The following EHBP1 variants were observed in gnomAD, a reference collection of about 807,000 sequenced individuals.
The protein encoded by EHBP1 is EH domain-binding protein 1.
In EHBP1, 55 loss-of-function variants were observed where a neutral mutation model predicts 144.0. The ratio of observed to expected loss-of-function variants is 0.38; its 90% CI spans 0.31 to 0.48. EHBP1 has a LOEUF of 0.48. Among genes scored for constraint, EHBP1 ranks in the 20% least tolerant of loss-of-function variants. The probability of loss-of-function intolerance (pLI) is 0.98; values close to 1 mark genes in which losing one functional copy is unlikely to be tolerated. For synonymous variants in EHBP1, 469 were observed against 472.7 expected, an observed-to-expected ratio of 0.99 and a Z score of 0.10; for missense variants, 1,200 against 1,364.2, an observed-to-expected ratio of 0.88 and a Z score of 1.90.
At chr2:62,806,441 G>A (rs966464634) in intron 5 of EHBP1, among the ~76,000 whole-genome samples, 9 of 151,972 alleles carry the variant, frequency 5.9e-5, no homozygotes, top group African/African-American at 1.9e-4. Context: ...CGCAATCACA[G>A]TTCACTACAG....
At chr2:62,754,025 G>A (rs1478121682) in intron 3 of EHBP1, among the ~76,000 whole-genome samples, 4 of 152,172 alleles carry the variant, frequency 2.6e-5, no homozygotes, top group East Asian at 1.9e-4. Flanking sequence ...GGTTTGTTTC[G>A]TTGCTGGCGA....
intron 4 of EHBP1, 69 bp downstream of exon 4, chr2:62,764,430 G>A (rs2041012757): frequency 8.1e-7 from 1 of 1,236,708 alleles, no homozygotes; most frequent in South Asian, 1.6e-5. Context: ...GAATATTTCA[G>A]TGTTCATTGT....
intron 2 of EHBP1, among the ~76,000 whole-genome samples, chr2:62,713,883 T>C (rs989141163): frequency 1.3e-5 from 2 of 152,220 alleles, no homozygotes; most frequent in Non-Finnish European, 2.9e-5. Context: ...TTTCCAGATT[T>C]TAAGTCTTTA....
chr2:62,778,860 C>T (rs966798447), intron 5 of EHBP1, among the ~76,000 whole-genome samples: 54 of 134,810 alleles, frequency 4.0e-4, no homozygotes, highest in Non-Finnish European at 5.2e-4. Context: ...TGCTTCTCTC[C>T]TTTAGTTGTT....
chr2:62,741,313 G>A (rs186632193), intron 2 of EHBP1, among the ~76,000 whole-genome samples: 7 of 152,208 alleles, frequency 4.6e-5, no homozygotes, highest in Admixed American at 1.3e-4. Flanking sequence ...TTCTTGTAAC[G>A]CCTCTCGTGA....
At chr2:62,832,118 T>A (rs2046858509) in intron 7 of EHBP1, among the ~76,000 whole-genome samples, 1 of 152,220 alleles carries the variant, frequency 6.6e-6, no homozygotes, top group Non-Finnish European at 1.5e-5. Flanking sequence ...AATTTGTGAT[T>A]GCAATTTTGA....
intron 15 of EHBP1, among the ~76,000 whole-genome samples, chr2:62,988,720 G>A (rs2059295492): frequency 6.6e-6 from 1 of 152,064 alleles, no homozygotes; most frequent in African/African-American, 2.4e-5. Flanking sequence ...CCAAAGTTTT[G>A]TATATCTGAG....
chr2:63,024,398 G>C (rs2060885871), intron 19 of EHBP1, among the ~76,000 whole-genome samples: 1 of 152,008 alleles, frequency 6.6e-6, no homozygotes, highest in Non-Finnish European at 1.5e-5. Context: ...GCGCCTAGGT[G>C]TTCAAGACCA....
chr2:62,745,680 G>A (rs965498318), intron 2 of EHBP1, among the ~76,000 whole-genome samples: 3 of 151,998 alleles, frequency 2.0e-5, no homozygotes, highest in Non-Finnish European at 4.4e-5. Context: ...AGAAACAAGG[G>A]TGTCACAGGG....
At chr2:62,905,504 A>T (rs2053726567) in intron 10 of EHBP1, among the ~76,000 whole-genome samples, 1 of 152,050 alleles carries the variant, frequency 6.6e-6, no homozygotes, top group East Asian at 1.9e-4. Context: ...TAAGCAGGGA[A>T]ATGATATAAT....
At chr2:62,973,655 T>A (rs1362097097) in intron 14 of EHBP1, among the ~76,000 whole-genome samples, 1 of 152,210 alleles carries the variant, frequency 6.6e-6, no homozygotes, top group African/African-American at 2.4e-5. Context: ...AAACTCACCA[T>A]TATCAATCCT....
chr2:62,870,715 C>CAAA (rs57276181), intron 9 of EHBP1, among the ~76,000 whole-genome samples: 2 of 90,278 alleles, frequency 2.2e-5, no homozygotes, highest in East Asian at 3.1e-4. Flanking sequence ...GACTGCATCT[C>CAAA]AAAAAAAAAA....
intron 9 of EHBP1, among the ~76,000 whole-genome samples, chr2:62,870,276 T>A (rs1326085366): frequency 6.6e-6 from 1 of 152,178 alleles, no homozygotes; most frequent in Non-Finnish European, 1.5e-5. Flanking sequence ...ATAAGGGGCA[T>A]TGGTGATTCA....
intron 19 of EHBP1, among the ~76,000 whole-genome samples, chr2:63,026,868 C>T (rs553734169): frequency 1.3e-5 from 2 of 152,358 alleles, no homozygotes; most frequent in Non-Finnish European, 2.9e-5. Flanking sequence ...ATGGCATACA[C>T]ATGGGAAGAC....
rs1559025656 is a variant in EHBP1 at position 62,985,213 on chromosome 2, G to C, written c.2609-5503G>C. ...TTTGTGTTCTCCAGTCCAACATTTAGGTCAGCAATTTTGCATGACAGATGG... is the reference window on the plus strand; with the variant it reads ...TTTGTGTTCTCCAGTCCAACATTTACGTCAGCAATTTTGCATGACAGATGG... On this transcript the variant is annotated intron_variant, in intron 15 of 22. Coordinates refer to ENST00000431489, the MANE Select transcript of EHBP1 (RefSeq NM_001142616.3). 2.6e-5 allele frequency among the ~76,000 whole-genome samples: 4 copies of C among 151,960 alleles called. No homozygotes were observed. In the South Asian group the frequency reaches 6.2e-4, roughly 24 times the overall value.
intron 10 of EHBP1, among the ~76,000 whole-genome samples, chr2:62,905,176 G>A (rs989473751): frequency 6.6e-6 from 1 of 152,094 alleles, no homozygotes; most frequent in Non-Finnish European, 1.5e-5. Context: ...GTCTTGTGAT[G>A]TACATTTATA....
intron 7 of EHBP1, among the ~76,000 whole-genome samples, chr2:62,840,405 T>A (rs1272243900): frequency 7.2e-6 from 1 of 137,996 alleles, no homozygotes; most frequent in East Asian, 2.2e-4. Flanking sequence ...AACCTAGGCA[T>A]TACCATTCAG....
intron 8 of EHBP1, among the ~76,000 whole-genome samples, chr2:62,860,518 A>C (rs2049432150): frequency 1.3e-5 from 2 of 152,066 alleles, no homozygotes; most frequent in South Asian, 4.1e-4. Context: ...ATTACAATAA[A>C]TCATAGAGGC....
At chr2:63,005,188 G>A (rs757786074) in intron 19 of EHBP1, among the ~76,000 whole-genome samples, 3 of 152,052 alleles carry the variant, frequency 2.0e-5, no homozygotes, top group Non-Finnish European at 4.4e-5. Flanking sequence ...AAGGCCATGG[G>A]TAGTATTAAT....
Sources: gnomAD v4.1 joint callset for allele counts (sites outside exome capture counted in the v4.1 genomes callset) on GRCh38, gnomAD v4.1.1 for gene constraint, MANE v1.5 for transcripts, NCBI Gene and HGNC (gene_info 2026-07-23, HGNC 2026-07-21) for gene names.